The following RBFOX2 variants were observed in gnomAD, a reference collection of about 807,000 sequenced individuals.
The protein encoded by RBFOX2 is RNA binding fox-1 homolog 2, also known as RNA binding protein fox-1 homolog 2.
Under a neutral mutation model 49.1 loss-of-function variants are expected in RBFOX2, and 10 were observed. That is an observed-to-expected ratio of 0.20 (90% CI 0.13 to 0.35). RBFOX2 has a LOEUF of 0.35. Ranked by LOEUF, RBFOX2 falls within the 10% of genes least tolerant of loss-of-function variation. The pLI is 1.00. For missense variants in RBFOX2, 323 were observed against 486.9 expected (o/e 0.66, Z 3.17); for synonymous variants, 183 against 187.4 (o/e 0.98, Z 0.19).
intron 1 of RBFOX2, among the ~76,000 whole-genome samples, chr22:36,010,527 T>A (rs896748272): frequency 5.3e-5 from 8 of 151,768 alleles, no homozygotes; most frequent in African/African-American, 1.7e-4. Flanking sequence ...ACTGGCCTCA[T>A]TCTCATTCTC....
upstream of RBFOX2, among the ~76,000 whole-genome samples, chr22:35,962,371 A>G (rs1316009924): frequency 6.6e-6 from 1 of 152,218 alleles, no homozygotes; most frequent in African/African-American, 2.4e-5. Flanking sequence ...AAATTCTCAC[A>G]TACCTCATCT....
chr22:36,001,586 C>A (rs1468804502), intron 1 of RBFOX2, among the ~76,000 whole-genome samples: 1 of 151,884 alleles, frequency 6.6e-6, no homozygotes, highest in East Asian at 1.9e-4. Flanking sequence ...ATAGCAAGAC[C>A]CTGTTTCTAC....
Position 35,867,078 on chromosome 22 carries a change from GCACA to G in RBFOX2, c.-33-57078_-33-57075del, listed in dbSNP as rs139224464. On this transcript the variant is annotated intron_variant, in intron 1 of 13. Transcript: ENST00000359369. ...GAAGGGATTTTATATGCACACACATGCACACACACACACACTTAAAACGTACTTT... is the reference window on the plus strand; with the variant it reads ...GAAGGGATTTTATATGCACACACATGCACACACACACTTAAAACGTACTTT... Among the ~76,000 whole-genome samples the G allele has an allele frequency of 2.6e-5, 4 of 151,220 alleles. No individual in the cohort carries two copies. The South Asian group carries it at 6.3e-4, about 24-fold the overall frequency.
chr22:35,950,758 G>A (rs911735817), intron 1 of RBFOX2, among the ~76,000 whole-genome samples: 12 of 152,046 alleles, frequency 7.9e-5, no homozygotes, highest in South Asian at 4.2e-4. Context: ...TGAGGGAGAC[G>A]GCTCTTTGGG....
At chr22:35,888,928 G>A (rs543430985) in intron 1 of RBFOX2, among the ~76,000 whole-genome samples, 7 of 152,268 alleles carry the variant, frequency 4.6e-5, no homozygotes, top group African/African-American at 1.7e-4. Flanking sequence ...GCCAAGGTGG[G>A]CAGATCTCTT....
At chr22:35,809,289 A>G (rs1353656370) in intron 2 of RBFOX2, among the ~76,000 whole-genome samples, 1 of 152,168 alleles carries the variant, frequency 6.6e-6, no homozygotes. Context: ...CCATATTGAG[A>G]TTCAAACACA....
At chr22:35,879,620 A>G (rs1441283320) in intron 1 of RBFOX2, among the ~76,000 whole-genome samples, 2 of 152,216 alleles carry the variant, frequency 1.3e-5, no homozygotes, top group Non-Finnish European at 2.9e-5. Context: ...AGGAGATGAA[A>G]GTCAAACAAG....
chr22:35,768,105 A>G, intron 5 of RBFOX2, 152 bp downstream of exon 6: 5 of 773,120 alleles, frequency 6.5e-6, no homozygotes, highest in Non-Finnish European at 8.2e-6. Context: ...TATACATTTT[A>G]GTGCAAGAAG....
At chr22:35,773,192 G>C (rs1056480807) in intron 4 of RBFOX2, among the ~76,000 whole-genome samples, 5 of 151,856 alleles carry the variant, frequency 3.3e-5, no homozygotes, top group African/African-American at 1.2e-4. Context: ...TTCCAAAAAA[G>C]TATTTTGATA....
chr22:35,793,407 C>T (rs538250642), intron 2 of RBFOX2, among the ~76,000 whole-genome samples: 2 of 152,088 alleles, frequency 1.3e-5, no homozygotes, highest in East Asian at 1.9e-4. Context: ...AAAATGTTTA[C>T]GATGGAGTTC....
In RBFOX2 at chr22:35,897,163, T is replaced by C. The variant is rs1252704045; in HGVS notation, c.-34+41684A>G. The stretch of plus-strand genomic sequence containing the variant: ...AAATGTTTTAATGGTGGGATCTTAT[T>C]CACTGTGTACAGGATTCTCTAAAGA... On this transcript the variant is annotated intron_variant, in intron 1 of 13. Transcript: ENST00000359369. 3 of 584,870 alleles carry C rather than the reference T, an allele frequency of 5.1e-6. No homozygotes were observed. The African/African-American group carries it at 5.6e-5, about 11-fold the overall frequency. 36.2% of individuals were successfully genotyped at this position (584,870 alleles called of 1,614,324 possible). A position where few individuals can be genotyped will look rare whatever the true frequency, so the allele number is the denominator to read the frequency against.
chr22:35,925,721 C>G (rs961202434), intron 1 of RBFOX2, among the ~76,000 whole-genome samples: 2 of 152,192 alleles, frequency 1.3e-5, no homozygotes, highest in Non-Finnish European at 2.9e-5. Context: ...TCCAAAGCTA[C>G]GCTACCCCAC....
chr22:35,875,535 C>T (rs868733718), intron 1 of RBFOX2, among the ~76,000 whole-genome samples: 2 of 151,404 alleles, frequency 1.3e-5, no homozygotes, highest in African/African-American at 2.4e-5. Context: ...TCTGTACTTA[C>T]AAAAGTAACA....
At chr22:35,986,713 T>C (rs2057740350) in intron 1 of RBFOX2, among the ~76,000 whole-genome samples, 1 of 152,220 alleles carries the variant, frequency 6.6e-6, no homozygotes. Flanking sequence ...TAGCTAAATG[T>C]ATAGACGTAT....
chr22:35,821,242 C>A (rs1954393110), intron 1 of RBFOX2, among the ~76,000 whole-genome samples: 1 of 151,506 alleles, frequency 6.6e-6, no homozygotes, highest in Non-Finnish European at 1.5e-5. Context: ...TATTTTTTAT[C>A]TTTATCAAAT....
chr22:35,996,536 T>C (rs2058198388), intron 1 of RBFOX2: 1 of 147,474 alleles, frequency 6.8e-6, no homozygotes, highest in South Asian at 2.1e-4. Flanking sequence ...GCCTGGTAGG[T>C]GGAGGTTGCA....
chr22:35,849,626 G>A (rs1024734638), intron 1 of RBFOX2, among the ~76,000 whole-genome samples: 1 of 151,966 alleles, frequency 6.6e-6, no homozygotes, highest in African/African-American at 2.4e-5. Flanking sequence ...TAGCAAAAGG[G>A]AAAAAATCTT....
At position 35,853,292 on chromosome 22, in the gene RBFOX2, T is replaced by TA. The variant is rs11289647; in HGVS notation, c.-33-43289dup. 2.2e-3 allele frequency among the ~76,000 whole-genome samples: 282 copies of TA among 129,798 alleles called. 2 individuals are homozygous for TA. Among genetic ancestry groups the TA allele is most frequent in the Middle Eastern group, 4.1e-3 (1 of 242 alleles). The allele number at this position is 129,798 out of a possible 152,430, so 85.2% of individuals were successfully genotyped here. On this transcript the variant is annotated intron_variant, in intron 1 of 13. Coordinates refer to the RBFOX2 transcript ENST00000359369. ...CTGGGCAACAAAGTGAGCCTCTGTCTAAAAAAAAAAAAAAAAGAAAGAAAG... is the reference window on the plus strand; with the variant it reads ...CTGGGCAACAAAGTGAGCCTCTGTCTAAAAAAAAAAAAAAAAAGAAAGAAAG...
intron 1 of RBFOX2, among the ~76,000 whole-genome samples, chr22:35,927,626 A>AAG (rs2051818186): frequency 6.6e-6 from 1 of 151,000 alleles, no homozygotes; most frequent in Non-Finnish European, 1.5e-5. Flanking sequence ...AAAAAAAAAA[A>AAG]GCAGAAGAAA....
Sources: allele counts gnomAD v4.1 joint callset (sites outside exome capture counted in the v4.1 genomes callset), GRCh38; gene constraint gnomAD v4.1.1; transcripts MANE v1.5; gene names NCBI Gene and HGNC (gene_info 2026-07-23, HGNC 2026-07-21).